TOE1: variants seen among roughly 807,000 people sequenced by gnomAD.
TOE1 encodes the protein target of EGR1, exonuclease, also known as target of EGR1 protein 1.
TOE1 carries 50 observed loss-of-function variants against 49.2 expected under a neutral mutation model. The observed-to-expected ratio is 1.02, with a 90% CI of 0.81 to 1.29. The LOEUF (loss-of-function observed/expected upper bound fraction) is 1.29. TOE1 is among the 50% of genes most tolerant of loss of function. The probability of loss-of-function intolerance (pLI) is 0.00; values close to 1 mark genes in which losing one functional copy is unlikely to be tolerated. For synonymous variants in TOE1, 221 were observed against 247.0 expected, an observed-to-expected ratio of 0.89 and a Z score of 0.99; for missense variants, 544 against 654.4, an observed-to-expected ratio of 0.83 and a Z score of 1.84.
intron 4 of TOE1, 48 bp downstream of exon 4, chr1:45,341,617 G>A: frequency 6.5e-7 from 1 of 1,536,048 alleles, no homozygotes; most frequent in Non-Finnish European, 8.9e-7. Context: ...TGGGGTGGAG[G>A]GTAGAGAGAT....
Position 45,343,115 on chromosome 1 carries a change from C to A in TOE1, c.946C>A (p.Pro316Thr), listed in dbSNP as rs200417902. The change falls in exon 8 of 8, where the codon CCT (proline) becomes ACT (threonine). Residue 316 changes from proline to threonine, a missense_variant. By Grantham distance (38) the Pro-to-Thr change is conservative. Transcript: ENST00000372090. This position sits in a 1 kb window ranked among gnomAD's most constrained non-coding sequence, Gnocchi z 4.3. ...YGWCPLGPQC[P>T]QSHDIDLIID... ...CTGGTGCCCCCTGGGACCACAGTGTCCTCAGTCTCACGATATTGACCTTAT... is the reference window on the plus strand; with the variant it reads ...CTGGTGCCCCCTGGGACCACAGTGTACTCAGTCTCACGATATTGACCTTAT... 1 of 1,613,964 alleles carries A rather than the reference C, an allele frequency of 6.2e-7. No homozygotes were observed. The highest frequency in any genetic ancestry group is 1.3e-5 in the African/African-American group (1 of 74,960).
intron 1 of TOE1, 21 bp downstream of exon 1, chr1:45,340,325 A>T (rs760602987): frequency 6.2e-7 from 1 of 1,606,366 alleles, no homozygotes; most frequent in Non-Finnish European, 8.5e-7. Context: ...TCCCAGAGGT[A>T]GCCTTCAAAG....
chr1:45,342,725 A>G, intron 6 of TOE1, 82 bp downstream of exon 6: 1 of 1,599,470 alleles, frequency 6.3e-7, no homozygotes, highest in African/African-American at 1.3e-5. Flanking sequence ...AGCTCCTACC[A>G]TGTGCCCAGG....
Position 45,343,007 on chromosome 1 carries a change from G to A in TOE1, c.912+5G>A. 1 of 1,612,024 alleles carries A rather than the reference G, an allele frequency of 6.2e-7. No individual in the cohort carries two copies. Among genetic ancestry groups the A allele is most frequent in the South Asian group, 1.1e-5 (1 of 90,884 alleles). On this transcript the variant is annotated splice_donor_5th_base_variant and intron_variant, in intron 7 of 7. Coordinates refer to ENST00000372090, the MANE Select transcript of TOE1 (RefSeq NM_025077.4). The surrounding 1 kb of genome is among the most constrained non-coding windows in gnomAD (Gnocchi z 4.3). ...AGCATCTGTGACAACTTCTCGGTGA[G>A]AGCACCCACCTGTTTCTTGGGAGGG...
chr1:45,340,193 G>T lies in TOE1; in HGVS notation c.-60G>T, dbSNP rs778337668. ...ATCCCCGACTGCCTGAACCGCGCCA[G>T]GAGACGGACCGCAAGTCCAGCGTAC... is the stretch of plus-strand genomic sequence containing the variant. On this transcript the variant is annotated 5_prime_UTR_variant, in exon 1 of 8. In the 5' UTR this introduces an upstream ATG that the reference lacks. Coordinates refer to ENST00000372090, the MANE Select transcript of TOE1 (RefSeq NM_025077.4). 3 of 1,613,238 alleles carry T rather than the reference G, an allele frequency of 1.9e-6. No homozygotes were observed. In the African/African-American group the frequency reaches 4.0e-5, roughly 22 times the overall value.
Position 45,341,943 on chromosome 1 carries a change from T to C in TOE1, c.334-6T>C. ...TCTTGATATAGCAGACTTCTCTTTC[T>C]CCCAGGGTGAACATTCCTATCTGGC... On this transcript the variant is annotated splice_region_variant and splice_polypyrimidine_tract_variant and intron_variant, in intron 4 of 7. Coordinates refer to ENST00000372090, the MANE Select transcript of TOE1 (RefSeq NM_025077.4). 6.2e-7 allele frequency: 1 copy of C among 1,613,562 alleles called. No individual in the cohort carries two copies. Among genetic ancestry groups the C allele is most frequent in the Non-Finnish European group, 8.5e-7 (1 of 1,179,576 alleles).
At chr1:45,341,605 T>TAG (rs1301641093) in intron 4 of TOE1, 36 bp downstream of exon 4, 7 of 1,580,470 alleles carry the variant, frequency 4.4e-6, no homozygotes, top group Non-Finnish European at 6.1e-6. Flanking sequence ...TAGGTGTGGC[T>TAG]GTGGGGTGGA....
Position 45,342,046 on chromosome 1 carries a change from A to G in TOE1, c.431A>G (p.His144Arg). 2 of 1,614,050 alleles carry G rather than the reference A, an allele frequency of 1.2e-6. No homozygotes were observed. The highest frequency in any genetic ancestry group is 1.7e-6 in the Non-Finnish European group (2 of 1,179,920). The stretch of plus-strand genomic sequence containing the variant: ...AAGTCTGTGCAGTTCCTGATACAGC[A>G]TGGCTTCAACTTCAACCAGCAGTAT... Reference protein sequence around the residue: ...EPKSVQFLIQHGFNFNQQYAQ... With the variant: ...EPKSVQFLIQRGFNFNQQYAQ... Residue 144 changes from histidine to arginine, a missense_variant, in exon 5 of 8, where the codon CAT becomes CGT. Transcript: ENST00000372090.
rs767067672 is a variant in TOE1 at position 45,341,215 on chromosome 1, G to A, written c.195G>A (p.Thr65=). 5 of 1,614,180 alleles carry A rather than the reference G, an allele frequency of 3.1e-6. No individual in the cohort carries two copies. The highest frequency in any genetic ancestry group is 1.7e-5 in the Admixed American group (1 of 60,028). The change falls in exon 2 of 8, where the codon ACG becomes ACA. Residue 65 remains threonine, a splice_region_variant and synonymous_variant. Coordinates refer to ENST00000372090, the MANE Select transcript of TOE1 (RefSeq NM_025077.4). ...CAGCTAATTTCGTGGCTGTGGACAC[G>A]GTGAGAGTTGGGAAACAAGGAGGGC... ...IKTANFVAVD[T]ELSGLGDRKS... is the part of the protein sequence containing the mutation.
chr1:45,341,119 G>C lies in TOE1; in HGVS notation c.99G>C (p.Gln33His). 2.5e-6 allele frequency: 4 copies of C among 1,614,228 alleles called. No individual in the cohort carries two copies. Among genetic ancestry groups the C allele is most frequent in the Non-Finnish European group, 2.5e-6 (3 of 1,180,042 alleles). ...CATCTGGGGAGGAGCTAGTAGTCCA[G>C]GTTCCCGTAGTGGATGTGCAAAGCA... ...STTSGEELVV[Q>H]VPVVDVQSNN... Residue 33 changes from glutamine (Q) to histidine (H), a missense_variant, in exon 2 of 8, where the codon CAG becomes CAC. Coordinates refer to ENST00000372090, the MANE Select transcript of TOE1 (RefSeq NM_025077.4).
Position 45,343,569 on chromosome 1 carries a change from C to T in TOE1, c.1400C>T (p.Pro467Leu), listed in dbSNP as rs764639526. 2 of 1,613,982 alleles carry T rather than the reference C, an allele frequency of 1.2e-6. No homozygotes were observed. The highest frequency in any genetic ancestry group is 2.2e-5 in the South Asian group (2 of 91,066). ...GGACCGCAGCCCTGCAGCTCTGGAC[C>T]CTGGCTCCCTGAATGCCACAATAAG... is the stretch of plus-strand genomic sequence containing the variant. ...SQGPQPCSSG[P>L]WLPECHNKVY... The change falls in exon 8 of 8, where the codon CCC becomes CTC. Residue 467 changes from proline to leucine, a missense_variant. Transcript: ENST00000372090. The surrounding 1 kb of genome is among the most constrained non-coding windows in gnomAD (Gnocchi z 4.3).
At chr1:45,340,343 G>A (rs1197476684) in intron 1 of TOE1, 39 bp downstream of exon 1, 21 of 1,594,720 alleles carry the variant, frequency 1.3e-5, no homozygotes, top group Middle Eastern at 1.6e-4. Flanking sequence ...AAGCCTCTGC[G>A]CTCTGGGAGA....
Position 45,341,103 on chromosome 1 carries a change from A to G in TOE1, c.83A>G (p.Glu28Gly), listed in dbSNP as rs1450483679. The change falls in exon 2 of 8, where the codon GAG (glutamate) becomes GGG (glycine). Residue 28 changes from glutamate to glycine, a missense_variant. Glu to Gly is a moderately conservative substitution (Grantham distance 98). Coordinates refer to ENST00000372090, the MANE Select transcript of TOE1 (RefSeq NM_025077.4). The stretch of plus-strand genomic sequence containing the variant: ...GTCAGCAAAAGCACAACATCTGGGG[A>G]GGAGCTAGTAGTCCAGGTTCCCGTA... ...GGVSKSTTSG[E>G]ELVVQVPVVD... 6.2e-7 allele frequency: 1 copy of G among 1,614,086 alleles called. No homozygotes were observed. Among genetic ancestry groups the G allele is most frequent in the East Asian group, 2.2e-5 (1 of 44,894 alleles).
rs749073430 is a variant in TOE1, at chr1:45,342,863, A to C, written c.773A>C (p.Gln258Pro). 2.4e-5 allele frequency: 38 copies of C among 1,614,044 alleles called. No homozygotes were observed. The highest frequency in any genetic ancestry group is 4.0e-5 in the African/African-American group (3 of 74,900). ...FRKCERENGK[Q>P]RAAGSPHLTL... is the part of the protein sequence containing the mutation. ...TGCAGTGAACGGGAAAATGGGAAGC[A>C]GCGGGCAGCTGGCAGCCCACACCTT... Residue 258 changes from glutamine (Q) to proline (P), a missense_variant, in exon 7 of 8, where the codon CAG becomes CCG. By Grantham distance (76) the Gln-to-Pro change is moderately conservative. Transcript: ENST00000372090.
rs1404125625 is a variant in TOE1 at position 45,343,544 on chromosome 1, G to A, written c.1375G>A (p.Gly459Arg). ...GATGGCCTATGTGGAAGTGAGCCAG[G>A]GACCGCAGCCCTGCAGCTCTGGACC... is the stretch of plus-strand genomic sequence containing the variant. ...YVMAYVEVSQ[G>R]PQPCSSGPWL... is the part of the protein sequence containing the mutation. The change falls in exon 8 of 8, where the codon GGA becomes AGA. Residue 459 changes from glycine (G) to arginine (R), a missense_variant. Gly to Arg is a moderately radical substitution (Grantham distance 125, BLOSUM62 -2). Coordinates refer to ENST00000372090, the MANE Select transcript of TOE1 (RefSeq NM_025077.4). The surrounding 1 kb of genome is among the most constrained non-coding windows in gnomAD (Gnocchi z 4.3). 1 of 1,614,038 alleles carries A rather than the reference G, an allele frequency of 6.2e-7. No individual in the cohort carries two copies. The highest frequency in any genetic ancestry group is 8.5e-7 in the Non-Finnish European group (1 of 1,180,022).
intron 4 of TOE1, 39 bp downstream of exon 4, chr1:45,341,608 G>C (rs759901595): frequency 3.8e-6 from 6 of 1,574,464 alleles, no homozygotes. Flanking sequence ...GTGTGGCTGT[G>C]GGGTGGAGGG....
In TOE1 at chr1:45,340,194, G is replaced by C. The variant is rs376685164; in HGVS notation, c.-59G>C. On this transcript the variant is annotated 5_prime_UTR_variant, in exon 1 of 8. Transcript: ENST00000372090. ...TCCCCGACTGCCTGAACCGCGCCAGGAGACGGACCGCAAGTCCAGCGTACC... is the reference window on the plus strand; with the variant it reads ...TCCCCGACTGCCTGAACCGCGCCAGCAGACGGACCGCAAGTCCAGCGTACC... The C allele has an allele frequency of 1.6e-5, 26 of 1,613,286 alleles. No homozygotes were observed. Among genetic ancestry groups the C allele is most frequent in the African/African-American group, 1.2e-4 (9 of 74,946 alleles).
chr1:45,342,059 C>A lies in TOE1; in HGVS notation c.444C>A (p.Phe148Leu), dbSNP rs1451626707. The change falls in exon 5 of 8, where the codon TTC becomes TTA. Residue 148 changes from phenylalanine to leucine, a missense_variant. Coordinates refer to ENST00000372090, the MANE Select transcript of TOE1 (RefSeq NM_025077.4). ...VQFLIQHGFNFNQQYAQGIPY... is the reference protein window; with the variant it reads ...VQFLIQHGFNLNQQYAQGIPY... ...TCCTGATACAGCATGGCTTCAACTT[C>A]AACCAGCAGTATGCCCAAGGCATCC... is the stretch of plus-strand genomic sequence containing the variant. 2.5e-6 allele frequency: 4 copies of A among 1,613,910 alleles called. No homozygotes were observed. The highest frequency in any genetic ancestry group is 3.4e-6 in the Non-Finnish European group (4 of 1,179,918).
chr1:45,342,086 C>G lies in TOE1; in HGVS notation c.471C>G (p.Pro157=), dbSNP rs755639475. The change falls in exon 5 of 8, where the codon CCC becomes CCG. Residue 157 remains proline (P), a synonymous_variant. Transcript: ENST00000372090. ...ACCAGCAGTATGCCCAAGGCATCCC[C>G]TACCATAAGGGCAATGACAAGGTAG... is the stretch of plus-strand genomic sequence containing the variant. The part of the protein sequence containing the change: ...NFNQQYAQGI[P]YHKGNDKGDE... 1.2e-6 allele frequency: 2 copies of G among 1,613,874 alleles called. No homozygotes were observed. The highest frequency in any genetic ancestry group is 1.7e-6 in the Non-Finnish European group (2 of 1,179,846).
Sources: allele counts gnomAD v4.1 joint callset, GRCh38; gene constraint gnomAD v4.1.1; non-coding constraint Gnocchi (gnomAD v3.1); transcripts MANE v1.5; gene names NCBI Gene and HGNC (gene_info 2026-07-23, HGNC 2026-07-21).